Variants in SPAG16 observed in about 807,000 individuals in gnomAD.
The protein encoded by SPAG16 is sperm associated antigen 16.
A neutral mutation model predicts 80.4 loss-of-function variants in SPAG16; 86 were observed. The ratio of observed to expected loss-of-function variants is 1.07; its 90% confidence interval spans 0.90 to 1.28. The LOEUF is 1.28. Among genes scored for constraint, SPAG16 ranks in the 50% most tolerant of loss-of-function variants. SPAG16 has a pLI of 0.00. For missense variants in SPAG16, 870 were observed against 765.3 expected (o/e 1.14, Z -1.61); for synonymous variants, 294 against 265.9 (o/e 1.11, Z -1.03).
At chr2:213,928,741 G>A (rs865847566) in intron 11 of SPAG16, among the ~76,000 whole-genome samples, 2 of 152,114 alleles carry the variant, frequency 1.3e-5, no homozygotes, top group African/African-American at 2.4e-5. Flanking sequence ...GAGATGAAAT[G>A]CAATTCTCCA....
At chr2:214,145,268 C>T (rs541586503) in intron 14 of SPAG16, among the ~76,000 whole-genome samples, 173 of 152,188 alleles carry the variant, frequency 1.1e-3, no homozygotes, top group African/African-American at 4.0e-3. Context: ...AACAAGTTTA[C>T]ATAACAGTTG....
intron 10 of SPAG16, among the ~76,000 whole-genome samples, chr2:213,544,545 T>A (rs1281230240): frequency 6.6e-6 from 1 of 152,100 alleles, no homozygotes; most frequent in African/African-American, 2.4e-5. Flanking sequence ...AGTCGTAGTT[T>A]ACATTAGGGT....
At chr2:214,083,903 T>A (rs889242764) in intron 13 of SPAG16, among the ~76,000 whole-genome samples, 1 of 152,148 alleles carries the variant, frequency 6.6e-6, no homozygotes, top group Non-Finnish European at 1.5e-5. Flanking sequence ...TATTATTGCA[T>A]CCTTTTTAAA....
In SPAG16 at chr2:213,534,050, G is replaced by C. The variant is rs189045364; in HGVS notation, c.1070+43960G>C. ...ACTTAAACCATGATAAAATTCATAT[G>C]TAAGGGTTTATGCACATCTACAGTA... On this transcript the variant is annotated intron_variant, in intron 10 of 15. Coordinates refer to ENST00000331683, the MANE Select transcript of SPAG16 (RefSeq NM_024532.5). Among the ~76,000 whole-genome samples the C allele has an allele frequency of 6.6e-5, 10 of 152,154 alleles. No homozygotes were observed. The East Asian group carries it at 1.9e-3, about 29-fold the overall frequency.
chr2:214,277,826 C>T (rs552379014), intron 15 of SPAG16, among the ~76,000 whole-genome samples: 2 of 152,176 alleles, frequency 1.3e-5, no homozygotes, highest in African/African-American at 4.8e-5. Context: ...CTGGAAGAAC[C>T]ACTGCTCTCT....
intron 9 of SPAG16, among the ~76,000 whole-genome samples, chr2:213,448,579 C>T (rs1218641665): frequency 6.6e-6 from 1 of 152,164 alleles, no homozygotes; most frequent in South Asian, 2.1e-4. Context: ...CCTTCATCCC[C>T]ATGGCATATT....
intron 11 of SPAG16, among the ~76,000 whole-genome samples, chr2:213,896,163 G>A (rs959807282): frequency 6.6e-6 from 1 of 151,880 alleles, no homozygotes; most frequent in African/African-American, 2.4e-5. Flanking sequence ...ATCAAAAGAA[G>A]ACATACATAT....
intron 15 of SPAG16, among the ~76,000 whole-genome samples, chr2:214,400,161 T>C (rs1176052563): frequency 6.6e-6 from 1 of 152,034 alleles, no homozygotes; most frequent in Non-Finnish European, 1.5e-5. Flanking sequence ...GGGGAAATAT[T>C]TTTAAAACTC....
At chr2:213,552,760 A>G (rs777620520) in intron 10 of SPAG16, among the ~76,000 whole-genome samples, 1 of 151,322 alleles carries the variant, frequency 6.6e-6, no homozygotes, top group Non-Finnish European at 1.5e-5. Flanking sequence ...CCCACCCTCA[A>G]TCTGGGTGGG....
At chr2:214,112,639 CTT>C (rs56776022) in intron 14 of SPAG16, among the ~76,000 whole-genome samples, 111 of 112,794 alleles carry the variant, frequency 9.8e-4, no homozygotes, top group African/African-American at 2.8e-3. Flanking sequence ...GCAACCCCTG[CTT>C]TTTTTTTTTT....
intron 13 of SPAG16, among the ~76,000 whole-genome samples, chr2:214,028,732 A>G (rs867684716): frequency 2.4e-4 from 36 of 152,004 alleles, no homozygotes; most frequent in African/African-American, 8.2e-4. Flanking sequence ...TTACTATAGT[A>G]TCTGTGAAAA....
At chr2:213,536,915 A>C (rs962651522) in intron 10 of SPAG16, among the ~76,000 whole-genome samples, 17 of 152,064 alleles carry the variant, frequency 1.1e-4, no homozygotes, top group African/African-American at 3.4e-4. Flanking sequence ...AACCAACCCA[A>C]ATGTCCAACA....
At chr2:214,308,296 G>A (rs113667638) in intron 15 of SPAG16, among the ~76,000 whole-genome samples, 9 of 152,184 alleles carry the variant, frequency 5.9e-5, no homozygotes, top group African/African-American at 1.2e-4. Flanking sequence ...CATGTGAGAC[G>A]GATCTATTGA....
chr2:213,996,879 A>G (rs376596663), intron 12 of SPAG16, among the ~76,000 whole-genome samples: 10 of 152,050 alleles, frequency 6.6e-5, no homozygotes, highest in Non-Finnish European at 1.2e-4. Flanking sequence ...TACTAATGCT[A>G]TTATTCTAAA....
intron 10 of SPAG16, among the ~76,000 whole-genome samples, chr2:213,525,833 A>T (rs183006344): frequency 6.6e-6 from 1 of 152,262 alleles, no homozygotes; most frequent in Admixed American, 6.5e-5. Flanking sequence ...ACCAGGGTAG[A>T]TACAGATGTA....
At chr2:213,556,928 A>G (rs752104354) in intron 10 of SPAG16, among the ~76,000 whole-genome samples, 4 of 152,178 alleles carry the variant, frequency 2.6e-5, no homozygotes, top group Admixed American at 6.5e-5. Context: ...TCACTTCTCT[A>G]TTCATGTATC....
At chr2:214,357,562 T>A (rs888761554) in intron 15 of SPAG16, among the ~76,000 whole-genome samples, 4 of 151,972 alleles carry the variant, frequency 2.6e-5, no homozygotes, top group African/African-American at 9.7e-5. Flanking sequence ...TTGTTCTCTC[T>A]AAAATGTGAC....
chr2:214,174,183 C>T (rs1175678059), intron 15 of SPAG16, among the ~76,000 whole-genome samples: 1 of 151,966 alleles, frequency 6.6e-6, no homozygotes, highest in Non-Finnish European at 1.5e-5. Flanking sequence ...ACAGGGATGC[C>T]CTCTCTCACT....
chr2:213,975,604 A>G (rs1354746716), intron 12 of SPAG16, among the ~76,000 whole-genome samples: 1 of 152,018 alleles, frequency 6.6e-6, no homozygotes, highest in African/African-American at 2.4e-5. Flanking sequence ...AGTCATATCA[A>G]TAATAATGTA....
Sources: allele counts gnomAD v4.1 joint callset (sites outside exome capture counted in the v4.1 genomes callset), GRCh38; gene constraint gnomAD v4.1.1; transcripts MANE v1.5; gene names NCBI Gene and HGNC (gene_info 2026-07-23, HGNC 2026-07-21).